LSM14A: variants seen among roughly 807,000 people sequenced by gnomAD.
LSM14A encodes the protein LSM14A mRNA processing body assembly factor.
In LSM14A, 14 loss-of-function variants were observed where a neutral mutation model predicts 52.4. The observed-to-expected ratio is 0.27, with a 90% CI of 0.18 to 0.42. The LOEUF is 0.42. LSM14A is among the 10% of genes least tolerant of loss of function. The probability of loss-of-function intolerance (pLI) is 1.00; values close to 1 mark genes in which losing one functional copy is unlikely to be tolerated. For synonymous variants in LSM14A, 185 were observed against 200.3 expected (o/e 0.92, Z 0.64); for missense variants, 417 against 581.8 (o/e 0.72, Z 2.91).
chr19:34,175,095 T>TA (rs1323658849), intron 1 of LSM14A, among the ~76,000 whole-genome samples: 2 of 152,208 alleles, frequency 1.3e-5, no homozygotes, highest in African/African-American at 4.8e-5. Flanking sequence ...TGACATAAAA[T>TA]ATAAATTTGT....
chr19:34,222,273 A>T (rs1304931695), intron 9 of LSM14A, among the ~76,000 whole-genome samples: 1 of 152,176 alleles, frequency 6.6e-6, no homozygotes, highest in Non-Finnish European at 1.5e-5. Flanking sequence ...AGTACTCTTA[A>T]TTTGGTTTTG....
chr19:34,194,674 G>A (rs751295601), intron 2 of LSM14A, 33 bp downstream of exon 2: 1 of 1,604,810 alleles, frequency 6.2e-7, no homozygotes, highest in Non-Finnish European at 8.5e-7. Flanking sequence ...TGGAGTACAG[G>A]TAAACTCCGC....
intron 1 of LSM14A, among the ~76,000 whole-genome samples, chr19:34,185,973 CTAAG>C (rs763160320): frequency 3.3e-5 from 5 of 152,262 alleles, no homozygotes; most frequent in South Asian, 2.1e-4. Context: ...TCATTTTATC[CTAAG>C]TGAGTTTCTT....
intron 1 of LSM14A, among the ~76,000 whole-genome samples, chr19:34,186,550 G>A (rs2069922945): frequency 6.6e-6 from 1 of 152,054 alleles, no homozygotes; most frequent in Non-Finnish European, 1.5e-5. Context: ...CTCTTTCTGT[G>A]TTTGTATATG....
intron 1 of LSM14A, among the ~76,000 whole-genome samples, chr19:34,193,323 T>A (rs1044353515): frequency 7.1e-5 from 8 of 111,994 alleles, no homozygotes; most frequent in Non-Finnish European, 1.5e-4. Flanking sequence ...GGCTAATTTT[T>A]AAAAATGTTT....
At chr19:34,211,792 C>CT (rs1396083017) in intron 4 of LSM14A, among the ~76,000 whole-genome samples, 4 of 150,934 alleles carry the variant, frequency 2.7e-5, no homozygotes, top group African/African-American at 9.7e-5. Flanking sequence ...CCTGTCCCCC[C>CT]CCAAAAAAAA....
At chr19:34,217,151 CG>C (rs1388917630) in intron 6 of LSM14A, among the ~76,000 whole-genome samples, 5 of 150,820 alleles carry the variant, frequency 3.3e-5, no homozygotes, top group Admixed American at 6.7e-5. Flanking sequence ...CCCAGCTGCT[CG>C]GGAGGCTGAG....
At chr19:34,202,568 A>G (rs2071381501) in intron 3 of LSM14A, among the ~76,000 whole-genome samples, 1 of 152,108 alleles carries the variant, frequency 6.6e-6, no homozygotes, top group African/African-American at 2.4e-5. Flanking sequence ...ATTTCTCACT[A>G]TCAGTTTGGC....
intron 1 of LSM14A, among the ~76,000 whole-genome samples, chr19:34,193,624 A>C (rs2044821287): frequency 6.6e-6 from 1 of 152,158 alleles, no homozygotes; most frequent in Non-Finnish European, 1.5e-5. Flanking sequence ...TATATGGTAG[A>C]TATTTTAGGT....
intron 1 of LSM14A, among the ~76,000 whole-genome samples, chr19:34,184,111 A>C (rs1276042967): frequency 6.9e-6 from 1 of 144,166 alleles, no homozygotes; most frequent in East Asian, 2.0e-4. Context: ...GCTGGAGTGC[A>C]ATGGCGCAAT....
intron 1 of LSM14A, among the ~76,000 whole-genome samples, chr19:34,182,853 AAAAG>A (rs954041343): frequency 1.3e-5 from 2 of 150,776 alleles, no homozygotes; most frequent in Non-Finnish European, 3.0e-5. Flanking sequence ...AAAAAAAAAA[AAAAG>A]AGTCAACTCT....
intron 1 of LSM14A, among the ~76,000 whole-genome samples, chr19:34,184,850 T>C (rs532479): frequency 0.49 from 75,051 of 151,984 alleles, 19,239 homozygotes; most frequent in Middle Eastern, 0.58. Context: ...TTTTTGTTTT[T>C]CGTCAGAGAC....
rs564431854 is a variant in LSM14A at position 34,222,089 on chromosome 19, T to G, written c.1368+351T>G. Among the ~76,000 whole-genome samples, 9 of 152,340 alleles carry G rather than the reference T, an allele frequency of 5.9e-5. No individual in the cohort carries two copies. In the South Asian group the frequency reaches 1.9e-3, roughly 32 times the overall value. On this transcript the variant is annotated intron_variant, in intron 9 of 9. Coordinates refer to ENST00000544216, the MANE Select transcript of LSM14A (RefSeq NM_015578.4). The stretch of plus-strand genomic sequence containing the variant: ...TAACAAGACATTGTTTTAAATATTT[T>G]TTTACATATTAACTTATTTAAACTG...
At chr19:34,192,632 CAAAAAAAAAAAAAAAAAAAAAA>C (rs548374017) in intron 1 of LSM14A, among the ~76,000 whole-genome samples, 62 of 76,950 alleles carry the variant, frequency 8.1e-4, no homozygotes, top group African/African-American at 2.6e-3. Context: ...ATCAGTTCTG[CAAAAAAAAAAAAAAAAAAAAAA>C]AAAAAAAAAA....
intron 4 of LSM14A, among the ~76,000 whole-genome samples, chr19:34,209,840 C>G (rs572830098): frequency 6.7e-6 from 1 of 148,326 alleles, no homozygotes; most frequent in South Asian, 2.1e-4. Flanking sequence ...GCCATTGGGC[C>G]TGGCTTTTTT....
At chr19:34,175,165 T>C (rs1051236776) in intron 1 of LSM14A, among the ~76,000 whole-genome samples, 23 of 152,166 alleles carry the variant, frequency 1.5e-4, no homozygotes, top group African/African-American at 5.3e-4. Context: ...TTTTAATCAT[T>C]GAATTTATGT....
chr19:34,216,392 G>T (rs1391883374), intron 6 of LSM14A, among the ~76,000 whole-genome samples: 1 of 150,814 alleles, frequency 6.6e-6, no homozygotes, highest in Non-Finnish European at 1.5e-5. Context: ...CAGCCTAGGC[G>T]ACAGAGCCAG....
chr19:34,180,025 TC>T lies in LSM14A; in HGVS notation c.121+7264del, dbSNP rs552580342. Among the ~76,000 whole-genome samples the T allele has an allele frequency of 5.3e-5, 8 of 152,304 alleles. No individual in the cohort carries two copies. In the South Asian group the frequency reaches 1.7e-3, roughly 32 times the overall value. On this transcript the variant is annotated intron_variant, in intron 1 of 9. Transcript: ENST00000544216. ...CCTTGACCTCCCTGGGCTCAGGTAATCCTCCTGCCTCAGCCTCCCAAGTAGC... is the reference window on the plus strand; with the variant it reads ...CCTTGACCTCCCTGGGCTCAGGTAATCTCCTGCCTCAGCCTCCCAAGTAGC...
intron 4 of LSM14A, among the ~76,000 whole-genome samples, chr19:34,214,908 AG>A (rs2072462687): frequency 6.6e-6 from 1 of 151,616 alleles, no homozygotes; most frequent in South Asian, 2.1e-4. Flanking sequence ...AAGCTGTTGA[AG>A]TTTTTTTTTA....
Sources: allele counts gnomAD v4.1 joint callset (sites outside exome capture counted in the v4.1 genomes callset), GRCh38; gene constraint gnomAD v4.1.1; transcripts MANE v1.5; gene names NCBI Gene and HGNC (gene_info 2026-07-23, HGNC 2026-07-21).